KCNH8: variants seen among roughly 807,000 people sequenced by gnomAD.
The protein encoded by KCNH8 is potassium voltage-gated channel subfamily H member 8, also known as voltage-gated delayed rectifier potassium channel KCNH8.
Under a neutral mutation model 103.6 loss-of-function variants are expected in KCNH8, and 70 were observed. That is an observed-to-expected ratio of 0.68 (90% confidence interval 0.56 to 0.82). KCNH8 has a LOEUF of 0.82. Ranked by LOEUF, KCNH8 falls within the 40% of genes least tolerant of loss-of-function variation. KCNH8 has a pLI of 0.00. For missense variants in KCNH8, 1,217 were observed against 1,329.9 expected (o/e 0.92, Z 1.32); for synonymous variants, 498 against 489.4 (o/e 1.02, Z -0.23).
At chr3:19,238,434 GA>G (rs762364740) in intron 1 of KCNH8, among the ~76,000 whole-genome samples, 1 of 151,974 alleles carries the variant, frequency 6.6e-6, no homozygotes, top group East Asian at 1.9e-4. Context: ...AACTGAAAAA[GA>G]AAAAAATATC....
chr3:19,203,705 G>A (rs1337278113), intron 1 of KCNH8, among the ~76,000 whole-genome samples: 9 of 151,956 alleles, frequency 5.9e-5, no homozygotes, highest in Non-Finnish European at 8.8e-5. Flanking sequence ...ACTCTTCAAA[G>A]TACATAAAGG....
intron 11 of KCNH8, among the ~76,000 whole-genome samples, chr3:19,494,247 C>T (rs2068389243): frequency 6.6e-6 from 1 of 152,182 alleles, no homozygotes; most frequent in African/African-American, 2.4e-5. Flanking sequence ...TAGGTATCCC[C>T]ACACAAATCT....
chr3:19,200,143 A>C (rs1450490962), intron 1 of KCNH8, among the ~76,000 whole-genome samples: 1 of 152,084 alleles, frequency 6.6e-6, no homozygotes, highest in East Asian at 1.9e-4. Flanking sequence ...TTTCTACATA[A>C]AAAATAAAAC....
At chr3:19,203,806 C>T (rs1433533472) in intron 1 of KCNH8, among the ~76,000 whole-genome samples, 2 of 151,818 alleles carry the variant, frequency 1.3e-5, no homozygotes, top group Non-Finnish European at 2.9e-5. Context: ...TTAATATTTT[C>T]TAAATATTTT....
chr3:19,416,651 G>A (rs2066867576), intron 7 of KCNH8, among the ~76,000 whole-genome samples: 1 of 152,106 alleles, frequency 6.6e-6, no homozygotes, highest in African/African-American at 2.4e-5. Flanking sequence ...TGCACACTGA[G>A]CTGTGAAAAT....
chr3:19,289,769 C>T (rs2064891029), intron 3 of KCNH8, among the ~76,000 whole-genome samples: 1 of 152,042 alleles, frequency 6.6e-6, no homozygotes, highest in Admixed American at 6.6e-5. Flanking sequence ...GTATTTTTTT[C>T]CAATTCTGTG....
chr3:19,148,850 G>C, intron 1 of KCNH8, 55 bp downstream of exon 1: 6 of 1,474,962 alleles, frequency 4.1e-6, no homozygotes, highest in South Asian at 1.1e-5. Context: ...GATTTTTCTC[G>C]TACACATTAC....
At chr3:19,418,400 T>C (rs1420118425) in intron 7 of KCNH8, among the ~76,000 whole-genome samples, 2 of 152,360 alleles carry the variant, frequency 1.3e-5, no homozygotes, top group African/African-American at 2.4e-5. Context: ...AAAGAACTAA[T>C]CATGACCTAA....
At chr3:19,407,839 C>G (rs544108385) in intron 7 of KCNH8, among the ~76,000 whole-genome samples, 1 of 152,068 alleles carries the variant, frequency 6.6e-6, no homozygotes, top group African/African-American at 2.4e-5. Context: ...CTTCAGCTGC[C>G]CCTATTACCA....
intron 3 of KCNH8, among the ~76,000 whole-genome samples, chr3:19,331,246 TATTTTTATTTATTTA>T (rs2065501933): frequency 2.2e-5 from 3 of 137,622 alleles, no homozygotes; most frequent in Non-Finnish European, 4.6e-5. Flanking sequence ...TTTCTTTAAT[TATTTTTATTTATTTA>T]TTTATTTATT....
At chr3:19,431,272 G>A (rs141623693) in intron 7 of KCNH8, among the ~76,000 whole-genome samples, 8 of 152,222 alleles carry the variant, frequency 5.3e-5, no homozygotes, top group African/African-American at 9.6e-5. Context: ...TTCTGTTTAC[G>A]TGATGCATCA....
In KCNH8 at chr3:19,415,186, A is replaced by C. The variant is rs956466089; in HGVS notation, c.1177+19875A>C. On this transcript the variant is annotated intron_variant, in intron 7 of 15. Coordinates refer to ENST00000328405, the MANE Select transcript of KCNH8 (RefSeq NM_144633.3). ...TAATAATAATAGCAGACATACATGA[A>C]GCTTCCTCAGTGCCAAGCAGTGTTC... Among the ~76,000 whole-genome samples the C allele has an allele frequency of 5.3e-5, 8 of 152,116 alleles. 1 individual carries two copies. Among genetic ancestry groups the C allele is most frequent in the Admixed American group, 5.2e-4 (8 of 15,268 alleles).
At chr3:19,520,691 G>A (rs528741862) in intron 15 of KCNH8, among the ~76,000 whole-genome samples, 16 of 151,992 alleles carry the variant, frequency 1.1e-4, no homozygotes, top group African/African-American at 3.6e-4. Context: ...GAGAAGAATT[G>A]ATAATAAATG....
chr3:19,282,822 A>G (rs1043329208), intron 3 of KCNH8, among the ~76,000 whole-genome samples: 1 of 152,136 alleles, frequency 6.6e-6, no homozygotes, highest in Non-Finnish European at 1.5e-5. Flanking sequence ...TTTGCCATCC[A>G]CGTTCTGAAT....
intron 1 of KCNH8, among the ~76,000 whole-genome samples, chr3:19,155,646 A>G (rs536978975): frequency 6.6e-6 from 1 of 152,242 alleles, no homozygotes; most frequent in Non-Finnish European, 1.5e-5. Flanking sequence ...TACTCATTCT[A>G]AATTCCCTGC....
intron 13 of KCNH8, among the ~76,000 whole-genome samples, chr3:19,513,666 AT>A (rs1372515343): frequency 6.6e-6 from 1 of 152,196 alleles, no homozygotes; most frequent in Non-Finnish European, 1.5e-5. Context: ...CATCAATGTT[AT>A]CCCCTCAATG....
chr3:19,521,023 T>C lies in KCNH8; in HGVS notation c.2619+2949T>C, dbSNP rs189523774. Among the ~76,000 whole-genome samples the C allele has an allele frequency of 3.4e-3, 512 of 152,146 alleles. 11 individuals are homozygous for C. The highest frequency in any genetic ancestry group is 1.0e-3 in the Non-Finnish European group (71 of 67,946). On this transcript the variant is annotated intron_variant, in intron 15 of 15. Coordinates refer to ENST00000328405, the MANE Select transcript of KCNH8 (RefSeq NM_144633.3). Reference sequence around the variant, plus strand: ...TTAGAACGCTTTGACCACATTGCCATTGCTTTACAGCATAGTATGAAATAG... The same window carrying C: ...TTAGAACGCTTTGACCACATTGCCACTGCTTTACAGCATAGTATGAAATAG...
intron 12 of KCNH8, among the ~76,000 whole-genome samples, chr3:19,510,912 C>G (rs2068772366): frequency 6.6e-6 from 1 of 152,006 alleles, no homozygotes; most frequent in Non-Finnish European, 1.5e-5. Flanking sequence ...CAGAGGCACG[C>G]AAATAGATTA....
intron 5 of KCNH8, among the ~76,000 whole-genome samples, chr3:19,376,634 T>C (rs2066211286): frequency 6.6e-6 from 1 of 152,228 alleles, no homozygotes; most frequent in Admixed American, 6.5e-5. Flanking sequence ...CCTGTATACA[T>C]ATTTTAAATT....
Sources: allele counts gnomAD v4.1 joint callset (sites outside exome capture counted in the v4.1 genomes callset), GRCh38; gene constraint gnomAD v4.1.1; transcripts MANE v1.5; gene names NCBI Gene and HGNC (gene_info 2026-07-23, HGNC 2026-07-21).